The following RBM8A variants were observed in gnomAD, a reference collection of about 807,000 sequenced individuals.
RBM8A encodes RNA-binding protein 8A.
In RBM8A, 8 loss-of-function variants were observed where a neutral mutation model predicts 25.1. That is an observed-to-expected ratio of 0.32 (90% CI 0.19 to 0.58). The LOEUF is 0.58. RBM8A is among the 20% of genes least tolerant of loss of function. The probability of loss-of-function intolerance (pLI) is 0.88; values close to 1 mark genes in which losing one functional copy is unlikely to be tolerated. For synonymous variants in RBM8A, 66 were observed against 80.0 expected, an observed-to-expected ratio of 0.82 and a Z score of 0.94; for missense variants, 114 against 236.8, an observed-to-expected ratio of 0.48 and a Z score of 3.40.
At chr1:145,927,120 AT>A in intron 1 of RBM8A, 43 bp from the exon 2 acceptor site, 1 of 1,599,832 alleles carries the variant, frequency 6.3e-7, no homozygotes, top group Non-Finnish European at 8.6e-7. Flanking sequence ...TATGACAGTC[AT>A]TTGTAACAAT....
rs1648089975 is a variant in RBM8A at position 145,925,402 on chromosome 1, C to A, written c.*480G>T. ...AGACTATGTCTAATATAGAAACTCA[C>A]ATAACTAGCCCAGGTAACACAGCAA... On this transcript the variant is annotated 3_prime_UTR_variant, in exon 6 of 6. Transcript: ENST00000583313. 1 of 361,552 alleles carries A rather than the reference C, an allele frequency of 2.8e-6. No homozygotes were observed. The highest frequency in any genetic ancestry group is 5.5e-6 in the Non-Finnish European group (1 of 183,400). The allele number at this position is 361,552 out of a possible 1,614,324, so 22.4% of individuals were successfully genotyped here.
rs781785824 is a variant in RBM8A, at chr1:145,926,934, T to C, written c.128-48A>G. The C allele has an allele frequency of 1.5e-5, 24 of 1,613,898 alleles. No individual in the cohort carries two copies. The Admixed American group carries it at 1.8e-4, about 12-fold the overall frequency. On this transcript the variant is annotated intron_variant, in intron 2 of 5. Transcript: ENST00000583313. ...CACCGAAAACTCCTCCTTTCTCCCA[T>C]TGTTCCTATGAGGTGGGTGGGGACT...
chr1:145,924,236 T>C lies in RBM8A; in HGVS notation c.*1646A>G, dbSNP rs1647973257. On this transcript the variant is annotated 3_prime_UTR_variant, in exon 6 of 6. Coordinates refer to ENST00000583313, the MANE Select transcript of RBM8A (RefSeq NM_005105.5). ...CACCAAAGGCAGCTTCAAGGCTCAA[T>C]GGCAAGAGACCACCTATAACCTCTT... The C allele has an allele frequency of 1.6e-6, 1 of 643,990 alleles. No individual in the cohort carries two copies. The highest frequency in any genetic ancestry group is 1.8e-5 in the African/African-American group (1 of 55,780). 39.9% of individuals were successfully genotyped at this position (643,990 alleles called of 1,614,324 possible). A position where few individuals can be genotyped will look rare whatever the true frequency, so the allele number is the denominator to read the frequency against.
At chr1:145,925,965 G>A (rs1553755789) in intron 5 of RBM8A, 38 bp from the exon 6 acceptor site, 1 of 1,614,004 alleles carries the variant, frequency 6.2e-7, no homozygotes, top group African/African-American at 1.3e-5. Flanking sequence ...TCCATTAGAG[G>A]GACATAATAC....
rs1559230059 is a variant in RBM8A, at chr1:145,924,305, A to G, written c.*1577T>C. On this transcript the variant is annotated 3_prime_UTR_variant, in exon 6 of 6. Transcript: ENST00000583313. Reference sequence around the variant, plus strand: ...TCTGCTGCCACTGACTGCCATGGCCATCTGCTATAGCCGCATTGTCCTCAG... The same window carrying G: ...TCTGCTGCCACTGACTGCCATGGCCGTCTGCTATAGCCGCATTGTCCTCAG... 5.6e-6 allele frequency: 3 copies of G among 536,370 alleles called. No homozygotes were observed. 33.2% of individuals were successfully genotyped at this position (536,370 alleles called of 1,614,324 possible).
chr1:145,926,909 C>A, intron 2 of RBM8A, 23 bp from the exon 3 acceptor site: 1 of 1,614,108 alleles, frequency 6.2e-7, no homozygotes, highest in Non-Finnish European at 8.5e-7. Context: ...TACACGAGAT[C>A]ACCGAAAACT....
In RBM8A at chr1:145,922,546, A is replaced by G. The variant is rs1647852496; in HGVS notation, c.*3336T>C. On this transcript the variant is annotated 3_prime_UTR_variant, in exon 6 of 6. Transcript: ENST00000583313. Reference sequence around the variant, plus strand: ...CTTTCTTACAGCCTGACAATCTGACAATATTTGCAACCTCTATTTGTTTCA... The same window carrying G: ...CTTTCTTACAGCCTGACAATCTGACGATATTTGCAACCTCTATTTGTTTCA... 6.6e-6 allele frequency: 1 copy of G among 152,220 alleles called. No individual in the cohort carries two copies. The highest frequency in any genetic ancestry group is 1.5e-5 in the Non-Finnish European group (1 of 68,048). 9.4% of individuals were successfully genotyped at this position (152,220 alleles called of 1,614,324 possible). A position where few individuals can be genotyped will look rare whatever the true frequency, so the allele number is the denominator to read the frequency against.
At position 145,927,173 on chromosome 1, in the gene RBM8A, G is replaced by A. The variant is rs1648207544; in HGVS notation, c.68-96C>T. ...CACTACCAGCAAGCCGACCCACACC[G>A]CCTCCAGTCTTAGTGCCTTCCCGGT... On this transcript the variant is annotated intron_variant, in intron 1 of 5. Transcript: ENST00000583313. 3.9e-6 allele frequency: 6 copies of A among 1,522,522 alleles called. No homozygotes were observed. In the East Asian group the frequency reaches 6.9e-5, roughly 17 times the overall value. 94.3% of individuals were successfully genotyped at this position (1,522,522 alleles called of 1,614,324 possible).
In RBM8A at chr1:145,926,085, G is replaced by A. The variant is rs143470048; in HGVS notation, c.435C>T (p.Ser145=). The A allele has an allele frequency of 2.0e-5, 32 of 1,614,026 alleles. No homozygotes were observed. The highest frequency in any genetic ancestry group is 2.5e-5 in the Non-Finnish European group (30 of 1,180,022). The part of the protein sequence containing the change: ...NGQDLMGQPI[S]VDWCFVRGPP... ...GACCCCGAACAAAACACCAGTCAAC[G>A]CTGATGGGCTGTCCCATCAAATCCT... The change falls in exon 5 of 6, where the codon AGC becomes AGT. Residue 145 remains serine, a synonymous_variant. Transcript: ENST00000583313.
chr1:145,926,705 T>C lies in RBM8A; in HGVS notation c.206-87A>G. ...GAATAGAGTGAGTGCGGACTCAGAT[T>C]GTTTAAGCTATCTCTGAACCCATTC... On this transcript the variant is annotated intron_variant, in intron 3 of 5. Transcript: ENST00000583313. The C allele has an allele frequency of 6.2e-6, 10 of 1,612,704 alleles. No individual in the cohort carries two copies. The South Asian group carries it at 1.1e-4, about 18-fold the overall frequency.
rs2101879680 is a variant in RBM8A, at chr1:145,927,394, C to G, written c.33G>C (p.Gly11=). The G allele has an allele frequency of 6.2e-7, 1 of 1,612,018 alleles. No individual in the cohort carries two copies. The highest frequency in any genetic ancestry group is 8.5e-7 in the Non-Finnish European group (1 of 1,179,212). The change falls in exon 1 of 6, where the codon GGG becomes GGC. Residue 11 remains glycine, a synonymous_variant. Transcript: ENST00000583313. Reference sequence around the variant, plus strand: ...CCTCATCCATGGCGAAATCTTCGCCCCCAGCCTCGTGAAGATCTAGCACGT... The same window carrying G: ...CCTCATCCATGGCGAAATCTTCGCCGCCAGCCTCGTGAAGATCTAGCACGT... MADVLDLHEA[G]GEDFAMDEDG... is the part of the protein sequence containing the mutation.
chr1:145,927,403 G>C lies in RBM8A; in HGVS notation c.24C>G (p.His8Gln). MADVLDL[H>Q]EAGGEDFAMD... ...TGGCGAAATCTTCGCCCCCAGCCTC[G>C]TGAAGATCTAGCACGTCCGCCATCT... The change falls in exon 1 of 6, where the codon CAC (histidine) becomes CAG (glutamine). Residue 8 changes from histidine (H) to glutamine (Q), a missense_variant. Coordinates refer to ENST00000583313, the MANE Select transcript of RBM8A (RefSeq NM_005105.5). 6.2e-7 allele frequency: 1 copy of C among 1,611,616 alleles called. No homozygotes were observed. The highest frequency in any genetic ancestry group is 8.5e-7 in the Non-Finnish European group (1 of 1,179,114).
rs1166428455 is a variant in RBM8A, at chr1:145,924,278, T to C, written c.*1604A>G. ...TAACCTCTTCACCTTCTGCTGCCTC[T>C]TTCTGCTGCCACTGACTGCCATGGC... On this transcript the variant is annotated 3_prime_UTR_variant, in exon 6 of 6. Coordinates refer to ENST00000583313, the MANE Select transcript of RBM8A (RefSeq NM_005105.5). 4 of 571,818 alleles carry C rather than the reference T, an allele frequency of 7.0e-6. No individual in the cohort carries two copies. The highest frequency in any genetic ancestry group is 2.8e-4 in the Middle Eastern group (1 of 3,598). 35.4% of individuals were successfully genotyped at this position (571,818 alleles called of 1,614,324 possible).
Position 145,926,646 on chromosome 1 carries a change from G to A in RBM8A, c.206-28C>T, listed in dbSNP as rs1648176990. On this transcript the variant is annotated intron_variant, in intron 3 of 5. Coordinates refer to ENST00000583313, the MANE Select transcript of RBM8A (RefSeq NM_005105.5). ...GTTGGGGGACGGGGGGAAGTTGTAT[G>A]AGTACATGAGAGACACTTTAAGCAG... 3.7e-6 allele frequency: 6 copies of A among 1,613,200 alleles called. No homozygotes were observed. In the African/African-American group the frequency reaches 5.3e-5, roughly 14 times the overall value.
rs782576254 is a variant in RBM8A, at chr1:145,927,433, TTCGA to T, written c.-11_-8del. On this transcript the variant is annotated 5_prime_UTR_variant, in exon 1 of 6. Transcript: ENST00000583313. Reference sequence around the variant, plus strand: ...GATCTAGCACGTCCGCCATCTCGCCTTCGATCGAGATCTCGTCTGTGCCGCTCAG... The same window carrying T: ...GATCTAGCACGTCCGCCATCTCGCCTTCGAGATCTCGTCTGTGCCGCTCAG... The T allele has an allele frequency of 6.2e-7, 1 of 1,609,122 alleles. No homozygotes were observed. Among genetic ancestry groups the T allele is most frequent in the South Asian group, 1.1e-5 (1 of 89,868 alleles).
chr1:145,926,596 A>G lies in RBM8A; in HGVS notation c.228T>C (p.Phe76=), dbSNP rs782582525. The part of the protein sequence containing the change: ...PQRSVEGWIL[F]VTGVHEEATE... ...TGGCTTCCTCATGGACTCCAGTTACAAAGAGAATCCAGCCTTCAACAGCTG... is the reference window on the plus strand; with the variant it reads ...TGGCTTCCTCATGGACTCCAGTTACGAAGAGAATCCAGCCTTCAACAGCTG... Residue 76 remains phenylalanine (F), a synonymous_variant, in exon 4 of 6, where the codon TTT becomes TTC. Coordinates refer to ENST00000583313, the MANE Select transcript of RBM8A (RefSeq NM_005105.5). 5 of 1,614,120 alleles carry G rather than the reference A, an allele frequency of 3.1e-6. No homozygotes were observed. In the African/African-American group the frequency reaches 4.0e-5, roughly 13 times the overall value.
rs587623854 is a variant in RBM8A at position 145,924,392 on chromosome 1, T to C, written c.*1490A>G. The C allele has an allele frequency of 4.2e-6, 2 of 478,022 alleles. No individual in the cohort carries two copies. The highest frequency in any genetic ancestry group is 8.6e-6 in the Non-Finnish European group (2 of 232,996). The allele number at this position is 478,022 out of a possible 1,614,324, so 29.6% of individuals were successfully genotyped here. A position where few individuals can be genotyped will look rare whatever the true frequency, so the allele number is the denominator to read the frequency against. On this transcript the variant is annotated 3_prime_UTR_variant, in exon 6 of 6. Coordinates refer to ENST00000583313, the MANE Select transcript of RBM8A (RefSeq NM_005105.5). ...TGAGACTCCAATTCCCAGGCCTTAA[T>C]CCTTAACCCTAGACCTGTTGCCTCT...
rs1382214761 is a variant in RBM8A at position 145,921,910 on chromosome 1, A to G, written c.*3972T>C. 1 of 152,232 alleles carries G rather than the reference A, an allele frequency of 6.6e-6. No individual in the cohort carries two copies. The highest frequency in any genetic ancestry group is 1.5e-5 in the Non-Finnish European group (1 of 68,036). 9.4% of individuals were successfully genotyped at this position (152,232 alleles called of 1,614,324 possible). The stretch of plus-strand genomic sequence containing the variant: ...CTCAATTATTAGAAATATAACTACT[A>G]GAAGTTAGTCTGACTATACTCCTAA... On this transcript the variant is annotated 3_prime_UTR_variant, in exon 6 of 6. Coordinates refer to ENST00000583313, the MANE Select transcript of RBM8A (RefSeq NM_005105.5).
intron 4 of RBM8A, 83 bp downstream of exon 4, chr1:145,926,399 G>C (rs1648158911): frequency 3.2e-6 from 5 of 1,552,500 alleles, no homozygotes; most frequent in Non-Finnish European, 4.4e-6. Context: ...CTTTGCTCTT[G>C]GCCAACCACA....
Sources: allele counts gnomAD v4.1 joint callset, GRCh38; gene constraint gnomAD v4.1.1; transcripts MANE v1.5; gene names NCBI Gene and HGNC (gene_info 2026-07-23, HGNC 2026-07-21).